The following YARS2 variants were observed in gnomAD, a reference collection of about 807,000 sequenced individuals.
The protein encoded by YARS2 is tyrosine--tRNA ligase, mitochondrial.
Under a neutral mutation model 45.0 loss-of-function variants are expected in YARS2, and 38 were observed. That is an observed-to-expected ratio of 0.84 (90% CI 0.65 to 1.11). YARS2 has a LOEUF of 1.11. Among genes scored for constraint, YARS2 ranks in the 50% least tolerant of loss-of-function variants. The pLI is 0.00. For missense variants in YARS2, 602 were observed against 599.8 expected (o/e 1.00, Z -0.04); for synonymous variants, 287 against 245.1 (o/e 1.17, Z -1.60).
chr12:32,749,725 C>T (rs1364474431), intron 4 of YARS2, among the ~76,000 whole-genome samples: 5 of 151,930 alleles, frequency 3.3e-5, no homozygotes, highest in African/African-American at 4.8e-5. Context: ...GGACTACAGG[C>T]GCCTGCCACC....
intron 3 of YARS2, 73 bp downstream of exon 3, chr12:32,750,646 A>G (rs761563795): frequency 3.2e-5 from 51 of 1,591,730 alleles, no homozygotes; most frequent in Non-Finnish European, 4.1e-5. Flanking sequence ...TAATCCTAAA[A>G]CATACTCCTA....
chr12:32,750,821 T>TG lies in YARS2; in HGVS notation c.1000dup (p.Gln334ProfsTer34), dbSNP rs1592710484. ...CCTTTCTGGCTCTTTGACATGCAGCTGCATGATATGATCAATCTCTGGAAG... is the reference window on the plus strand; with the variant it reads ...CCTTTCTGGCTCTTTGACATGCAGCTGGCATGATATGATCAATCTCTGGAAG... On this transcript the variant is annotated frameshift_variant, in exon 3 of 5. Coordinates refer to ENST00000324868, the MANE Select transcript of YARS2 (RefSeq NM_001040436.3). LOFTEE classifies it high-confidence loss of function. 4 of 1,614,228 alleles carry TG rather than the reference T, an allele frequency of 2.5e-6. No individual in the cohort carries two copies. Among genetic ancestry groups the TG allele is most frequent in the Non-Finnish European group, 3.4e-6 (4 of 1,180,040 alleles).
At chr12:32,750,245 C>T (rs1291575318) in intron 3 of YARS2, 138 bp from the exon 4 acceptor site, 22 of 1,008,908 alleles carry the variant, frequency 2.2e-5, no homozygotes, top group East Asian at 1.9e-4. Flanking sequence ...TCTGTTGCCC[C>T]GGCTGGATTG....
chr12:32,755,077 A>C lies in YARS2; in HGVS notation c.779+19T>G. On this transcript the variant is annotated intron_variant, in intron 1 of 4. Coordinates refer to ENST00000324868, the MANE Select transcript of YARS2 (RefSeq NM_001040436.3). Reference sequence around the variant, plus strand: ...AATTATTTGGTCCCAGGATTTCCCCAAGGTTTAAAGGCACTTACTTGTTGA... The same window carrying C: ...AATTATTTGGTCCCAGGATTTCCCCCAGGTTTAAAGGCACTTACTTGTTGA... 6.2e-7 allele frequency: 1 copy of C among 1,614,094 alleles called. No homozygotes were observed.
intron 4 of YARS2, among the ~76,000 whole-genome samples, chr12:32,749,634 G>A (rs1275011417): frequency 6.6e-6 from 1 of 152,188 alleles, no homozygotes; most frequent in Non-Finnish European, 1.5e-5. Flanking sequence ...AGGCTGGAGT[G>A]CAGTGGTGGG....
chr12:32,753,761 C>A (rs1955791785), intron 2 of YARS2, among the ~76,000 whole-genome samples, 157 bp downstream of exon 2: 2 of 152,148 alleles, frequency 1.3e-5, no homozygotes, highest in Admixed American at 1.3e-4. Context: ...AACTTTAGAA[C>A]ACAGTAAAAA....
At chr12:32,750,294 C>T (rs138643327) in intron 3 of YARS2, among the ~76,000 whole-genome samples, 187 bp from the exon 4 acceptor site, 129 of 152,192 alleles carry the variant, frequency 8.5e-4, no homozygotes, top group African/African-American at 3.0e-3. Flanking sequence ...CTCTGCCTCC[C>T]GGGTTCAGGC....
chr12:32,747,298 A>G lies in YARS2; in HGVS notation c.1340T>C (p.Val447Ala). ...NHQQVTNPES[V>A]LIVGQHILKN... ...GAGAATATGTTGTCCAACAATTAAA[A>G]CACTCTCAGGATTTGTTACTTGTTG... is the stretch of plus-strand genomic sequence containing the variant. Residue 447 changes from valine (V) to alanine (A), a missense_variant, in exon 5 of 5, where the codon GTT becomes GCT. Physicochemically the swap from Val to Ala is moderately conservative, Grantham distance 64 (BLOSUM62 0). Coordinates refer to ENST00000324868, the MANE Select transcript of YARS2 (RefSeq NM_001040436.3). 1 of 1,614,118 alleles carries G rather than the reference A, an allele frequency of 6.2e-7. No homozygotes were observed. The highest frequency in any genetic ancestry group is 1.1e-5 in the South Asian group (1 of 91,078).
chr12:32,750,951 T>C, intron 2 of YARS2, 77 bp from the exon 3 acceptor site: 1 of 1,523,698 alleles, frequency 6.6e-7, no homozygotes, highest in East Asian at 2.3e-5. Context: ...CCCTTTAAGG[T>C]TATCCTGCTT....
At chr12:32,747,692 C>G (rs1248503807) in intron 4 of YARS2, among the ~76,000 whole-genome samples, 4 of 152,132 alleles carry the variant, frequency 2.6e-5, no homozygotes, top group Non-Finnish European at 5.9e-5. Context: ...TGCATGCCAC[C>G]ACACCTGGCT....
At chr12:32,748,631 C>T (rs2124150) in intron 4 of YARS2, among the ~76,000 whole-genome samples, 23,404 of 152,142 alleles carry the variant, frequency 0.15, 1,904 homozygotes, top group Middle Eastern at 0.21. Flanking sequence ...TGACATACTA[C>T]AGGGAAGTAT....
rs3789979 is a variant in YARS2, at chr12:32,747,686, T to C, written c.1275-323A>G. Among the ~76,000 whole-genome samples the C allele has an allele frequency of 0.4, 60,368 of 152,024 alleles. 14,989 individuals are homozygous for C. The highest frequency in any genetic ancestry group is 0.71 in the African/African-American group (29,264 of 41,460). On this transcript the variant is annotated intron_variant, in intron 4 of 4. Coordinates refer to ENST00000324868, the MANE Select transcript of YARS2 (RefSeq NM_001040436.3). Reference sequence around the variant, plus strand: ...CAGAGTAGCTGCGATTACAGGTGCATGCCACCACACCTGGCTAATTTTGTA... The same window carrying C: ...CAGAGTAGCTGCGATTACAGGTGCACGCCACCACACCTGGCTAATTTTGTA...
chr12:32,751,848 C>T (rs953183132), intron 2 of YARS2, among the ~76,000 whole-genome samples: 5 of 152,226 alleles, frequency 3.3e-5, no homozygotes, highest in African/African-American at 1.2e-4. Flanking sequence ...TGCCACTCAG[C>T]TCCTGTTGCG....
intron 3 of YARS2, 70 bp from the exon 4 acceptor site, chr12:32,750,177 C>G: frequency 6.3e-7 from 1 of 1,584,064 alleles, no homozygotes; most frequent in Non-Finnish European, 8.6e-7. Flanking sequence ...TACCCATTAA[C>G]CAATTATAGA....
intron 4 of YARS2, among the ~76,000 whole-genome samples, chr12:32,748,551 G>A (rs1411821007): frequency 6.6e-6 from 1 of 152,086 alleles, no homozygotes; most frequent in Non-Finnish European, 1.5e-5. Flanking sequence ...CAGTATTAGC[G>A]AACACACTAT....
chr12:32,752,713 C>T (rs1565559132), intron 2 of YARS2: 1 of 358,078 alleles, frequency 2.8e-6, no homozygotes, highest in Non-Finnish European at 5.3e-6. Context: ...TACACTCTAG[C>T]CTGGGCAACA....
rs1458956697 is a variant in YARS2, at chr12:32,747,341, C to T, written c.1297G>A (p.Gly433Arg). Reference protein sequence around the residue: ...PRGYRMITEGGVSINHQQVTN... With the variant: ...PRGYRMITEGRVSINHQQVTN... ...ACTTGTTGGTGATTTATGCTGACTC[C>T]GCCTTCTGTTATCATTCGATACCTA... is the stretch of plus-strand genomic sequence containing the variant. Residue 433 changes from glycine (G) to arginine (R), a missense_variant, in exon 5 of 5, where the codon GGA becomes AGA. Physicochemically the swap from Gly to Arg is moderately radical, Grantham distance 125. Transcript: ENST00000324868. The T allele has an allele frequency of 8.1e-6, 13 of 1,614,028 alleles. No homozygotes were observed. Among genetic ancestry groups the T allele is most frequent in the South Asian group, 3.3e-5 (3 of 91,080 alleles).
At chr12:32,754,774 G>A (rs148382511) in intron 1 of YARS2, among the ~76,000 whole-genome samples, 1 of 149,442 alleles carries the variant, frequency 6.7e-6, no homozygotes, top group African/African-American at 2.5e-5. Context: ...GAGTGCAGTG[G>A]CGCGATCTCG....
intron 2 of YARS2, among the ~76,000 whole-genome samples, chr12:32,751,187 C>T (rs527768597): frequency 6.6e-6 from 1 of 151,930 alleles, no homozygotes; most frequent in East Asian, 1.9e-4. Context: ...CCACCTCTGC[C>T]TCCCAAGCAG....
Sources: gnomAD v4.1 joint callset for allele counts (sites outside exome capture counted in the v4.1 genomes callset) on GRCh38, gnomAD v4.1.1 for gene constraint, MANE v1.5 for transcripts, NCBI Gene and HGNC (gene_info 2026-07-23, HGNC 2026-07-21) for gene names.